The following DMD variants were observed in gnomAD, a reference collection of about 807,000 sequenced individuals.
The protein encoded by DMD is mutant dystrophin.
DMD carries 63 observed loss-of-function variants against 330.1 expected under a neutral mutation model. The observed-to-expected ratio is 0.19, with a 90% CI of 0.16 to 0.24. The LOEUF (loss-of-function observed/expected upper bound fraction) is 0.24. Among genes scored for constraint, DMD ranks in the 10% least tolerant of loss-of-function variants. The pLI is 1.00. For missense variants in DMD, 3,344 were observed against 2,684.1 expected (o/e 1.25, Z -5.43); for synonymous variants, 1,223 against 959.8 (o/e 1.27, Z -5.07).
At position 31,786,745 on chromosome X, in the gene DMD, C is replaced by T. The variant is rs114172764; in HGVS notation, c.7310-12553G>A. On this transcript the variant is annotated intron_variant, in intron 50 of 78. Coordinates refer to ENST00000357033, the MANE Select transcript of DMD (RefSeq NM_004006.3). Reference sequence around the variant, plus strand: ...CCCTGGTGCCTGCTCTTGGCTAGTGCAAAGATACAAAAGTCTCGCCCATTT... The same window carrying T: ...CCCTGGTGCCTGCTCTTGGCTAGTGTAAAGATACAAAAGTCTCGCCCATTT... 6.4e-3 allele frequency among the ~76,000 whole-genome samples: 719 copies of T among 111,689 alleles called. 7 individuals carry two copies. The highest frequency in any genetic ancestry group is 0.022 in the African/African-American group (679 of 30,738).
rs764679998 is a variant in DMD, at chrX:31,424,250, T to C, written c.9084+20231A>G. Among the ~76,000 whole-genome samples, 427 of 112,103 alleles carry C rather than the reference T, an allele frequency of 3.8e-3. 2 individuals are homozygous for C. Among genetic ancestry groups the C allele is most frequent in the Non-Finnish European group, 5.2e-3 (278 of 53,220 alleles). On this transcript the variant is annotated intron_variant, in intron 60 of 78. Transcript: ENST00000357033. Reference sequence around the variant, plus strand: ...AAATTATCAATATTCTGTTGCACTTTGGAAACTTCCGTTTTTTGCTTATCC... The same window carrying C: ...AAATTATCAATATTCTGTTGCACTTCGGAAACTTCCGTTTTTTGCTTATCC...
intron 50 of DMD, among the ~76,000 whole-genome samples, chrX:31,774,557 G>A (rs983316172): frequency 4.5e-5 from 5 of 110,517 alleles, no homozygotes; most frequent in African/African-American, 1.0e-4. Flanking sequence ...ACCTTGCCAG[G>A]GAAATAAATT....
chrX:32,852,679 C>A (rs2081233880), intron 2 of DMD, among the ~76,000 whole-genome samples: 1 of 109,067 alleles, frequency 9.2e-6, no homozygotes, highest in African/African-American at 3.4e-5. Flanking sequence ...ACGGAGAGAC[C>A]CAGGCCTCGC....
chrX:32,173,164 A>G lies in DMD; in HGVS notation c.6438+43752T>C, dbSNP rs184450234. ...GGCAGGTGGCTTTTTAGGGTACACT[A>G]TTCCTGTGACCTGTTGACGTGACAA... On this transcript the variant is annotated intron_variant, in intron 44 of 78. Coordinates refer to ENST00000357033, the MANE Select transcript of DMD (RefSeq NM_004006.3). Among the ~76,000 whole-genome samples, 20 of 105,002 alleles carry G rather than the reference A, an allele frequency of 1.9e-4. No homozygotes were observed. The Admixed American group carries it at 2.1e-3, about 11-fold the overall frequency. 91.2% of individuals were successfully genotyped at this position (105,002 alleles called of 115,157 possible). A position where few individuals can be genotyped will look rare whatever the true frequency, so the allele number is the denominator to read the frequency against.
intron 2 of DMD, among the ~76,000 whole-genome samples, chrX:32,976,283 G>A (rs1276133162): frequency 9.0e-6 from 1 of 110,529 alleles, no homozygotes; most frequent in Non-Finnish European, 1.9e-5. Flanking sequence ...CCATACCCTG[G>A]GTACATTTAA....
intron 54 of DMD, among the ~76,000 whole-genome samples, chrX:31,641,438 G>C (rs774773966): frequency 2.7e-4 from 28 of 104,716 alleles, no homozygotes; most frequent in Admixed American, 5.3e-4. Context: ...GGAGGGAGAG[G>C]TTGCAGTGAG....
intron 47 of DMD, among the ~76,000 whole-genome samples, chrX:31,905,900 T>A (rs1299552911): frequency 8.9e-6 from 1 of 111,981 alleles, no homozygotes; most frequent in East Asian, 2.8e-4. Context: ...ATAAAGTGAA[T>A]TTTTAAATGG....
rs1603635955 is a variant in DMD, at chrX:32,545,283, T to C, written c.2044A>G (p.Met682Val). The change falls in exon 17 of 79, where the codon ATG becomes GTG. Residue 682 changes from methionine to valine, a missense_variant. Coordinates refer to ENST00000357033, the MANE Select transcript of DMD (RefSeq NM_004006.3). ...TQPSLTQTTVMETVTTVTTRE... is the reference protein window; with the variant it reads ...TQPSLTQTTVVETVTTVTTRE... Reference sequence around the variant, plus strand: ...GTGGTCACCGTAGTTACTGTTTCCATTACAGTTGTCTGTGTTAGTGATGGC... The same window carrying C: ...GTGGTCACCGTAGTTACTGTTTCCACTACAGTTGTCTGTGTTAGTGATGGC... 1.7e-6 allele frequency: 2 copies of C among 1,210,780 alleles called. No individual in the cohort carries two copies. Among genetic ancestry groups the C allele is most frequent in the East Asian group, 5.9e-5 (2 of 33,827 alleles).
At chrX:33,270,404 CT>C (rs1293963034) in intron 1 of DMD, among the ~76,000 whole-genome samples, 4 of 111,405 alleles carry the variant, frequency 3.6e-5, no homozygotes, top group Non-Finnish European at 5.6e-5. Flanking sequence ...TGAGACCACC[CT>C]AAAAATCACC....
chrX:31,850,286 A>G (rs2093500206), intron 48 of DMD, among the ~76,000 whole-genome samples: 2 of 112,598 alleles, frequency 1.8e-5, no homozygotes, highest in African/African-American at 3.2e-5. Context: ...CTTTGTAAAC[A>G]TTATCTATTG....
intron 30 of DMD, among the ~76,000 whole-genome samples, chrX:32,402,578 A>G (rs1269947476): frequency 9.0e-6 from 1 of 111,516 alleles, no homozygotes; most frequent in African/African-American, 3.2e-5. Flanking sequence ...AGGCTGCTGT[A>G]ATTACCAAAT....
chrX:31,273,394 T>C (rs763325323), intron 62 of DMD, among the ~76,000 whole-genome samples: 3 of 112,442 alleles, frequency 2.7e-5, no homozygotes, highest in Non-Finnish European at 5.6e-5. Context: ...CATCTGTTAC[T>C]GTCAGAGGTT....
At chrX:32,192,883 G>C (rs969332423) in intron 44 of DMD, among the ~76,000 whole-genome samples, 3 of 111,882 alleles carry the variant, frequency 2.7e-5, no homozygotes, top group African/African-American at 9.8e-5. Flanking sequence ...ATTAAACATG[G>C]ATATCATTTG....
chrX:32,887,770 A>C lies in DMD; in HGVS notation c.94-37950T>G, dbSNP rs73621845. On this transcript the variant is annotated intron_variant, in intron 2 of 78. Coordinates refer to ENST00000357033, the MANE Select transcript of DMD (RefSeq NM_004006.3). ...CAAAAAAAAAAAAAAAAAAAAAAAA[A>C]AAAAAACATCAACTAAAAGCTTATG... 7.5e-3 allele frequency among the ~76,000 whole-genome samples: 527 copies of C among 70,214 alleles called. 24 individuals carry two copies. Among genetic ancestry groups the C allele is most frequent in the Middle Eastern group, 0.019 (2 of 105 alleles). 61.0% of individuals were successfully genotyped at this position (70,214 alleles called of 115,157 possible).
At chrX:32,095,027 G>T (rs1452026562) in intron 44 of DMD, among the ~76,000 whole-genome samples, 1 of 111,489 alleles carries the variant, frequency 9.0e-6, no homozygotes, top group Non-Finnish European at 1.9e-5. Flanking sequence ...AGAAAAACAT[G>T]AGACAAATCA....
chrX:32,141,172 T>G (rs1447198895), intron 44 of DMD, among the ~76,000 whole-genome samples: 1 of 109,160 alleles, frequency 9.2e-6, no homozygotes, highest in Non-Finnish European at 1.9e-5. Flanking sequence ...ACACCTATAA[T>G]CCCAACACTT....
chrX:32,389,710 T>C, intron 31 of DMD, 36 bp from the exon 32 acceptor site: 1 of 1,166,782 alleles, frequency 8.6e-7, no homozygotes, highest in Non-Finnish European at 1.2e-6. Context: ...TGATTTAATT[T>C]TGCCTTTCAA....
chrX:31,456,834 A>ATGTGTGTGTGTG (rs1172234432), intron 59 of DMD, among the ~76,000 whole-genome samples: 5 of 67,090 alleles, frequency 7.5e-5, no homozygotes, highest in East Asian at 5.2e-4. Context: ...GTGCCCACAT[A>ATGTGTGTGTGTG]TATGTGTGTG....
At chrX:32,379,189 T>C (rs1247372758) in intron 34 of DMD, among the ~76,000 whole-genome samples, 1 of 109,594 alleles carries the variant, frequency 9.1e-6, no homozygotes, top group Non-Finnish European at 1.9e-5. Flanking sequence ...AGAAAGAAAA[T>C]AAATGCCAGT....
Sources: allele counts gnomAD v4.1 joint callset (sites outside exome capture counted in the v4.1 genomes callset), GRCh38; gene constraint gnomAD v4.1.1; transcripts MANE v1.5; gene names NCBI Gene and HGNC (gene_info 2026-07-23, HGNC 2026-07-21).